TOMM20L: variants seen among roughly 807,000 people sequenced by gnomAD.
TOMM20L encodes the protein translocase of outer mitochondrial membrane 20 like.
TOMM20L carries 19 observed loss-of-function variants against 20.4 expected under a neutral mutation model. That is an observed-to-expected ratio of 0.93 (90% CI 0.65 to 1.36). The LOEUF is 1.36. Ranked by LOEUF, TOMM20L falls within the 40% of genes most tolerant of loss-of-function variation. The pLI is 0.00. For synonymous variants in TOMM20L, 75 were observed against 79.6 expected (o/e 0.94, Z 0.30); for missense variants, 218 against 203.7 (o/e 1.07, Z -0.43).
the TOMM20L span, among the ~76,000 whole-genome samples, chr14:58,416,141 T>C: frequency 6.6e-6 from 1 of 151,718 alleles, no homozygotes; most frequent in Admixed American, 6.6e-5. Context: ...GGCACGAGAA[T>C]TGCTTGAACC....
the TOMM20L span, among the ~76,000 whole-genome samples, chr14:58,416,282 T>TGAAAGCAGCA: frequency 6.6e-6 from 1 of 152,026 alleles, no homozygotes; most frequent in Non-Finnish European, 1.5e-5. Context: ...AAAAAGCCAT[T>TGAAAGCAGCA]GAAAGCAGCA....
chr14:58,396,321 G>T lies in TOMM20L; in HGVS notation c.160G>T (p.Ala54Ser). ...RDKRRAEPQK[A>S]EEQGTQLWDP... is the part of the protein sequence containing the mutation. Reference sequence around the variant, plus strand: ...AGAAAGAAGAGCAGAGCCTCAAAAGGCTGAGGAGCAGGGCACGCAGGTGCA... The same window carrying T: ...AGAAAGAAGAGCAGAGCCTCAAAAGTCTGAGGAGCAGGGCACGCAGGTGCA... The change falls in exon 2 of 5, where the codon GCT (alanine) becomes TCT (serine). Residue 54 changes from alanine (A) to serine (S), a missense_variant. Physicochemically the swap from Ala to Ser is moderately conservative, Grantham distance 99. Coordinates refer to ENST00000360945, the MANE Select transcript of TOMM20L (RefSeq NM_207377.3). 1 of 1,613,412 alleles carries T rather than the reference G, an allele frequency of 6.2e-7. No individual in the cohort carries two copies. The highest frequency in any genetic ancestry group is 8.5e-7 in the Non-Finnish European group (1 of 1,179,858).
intron 2 of TOMM20L, chr14:58,398,831 A>C (rs529250138): frequency 8.3e-4 from 126 of 152,190 alleles, no homozygotes; most frequent in African/African-American, 2.7e-3. Flanking sequence ...TCAAGTGAAG[A>C]AGCAGCACAA....
intron 2 of TOMM20L, among the ~76,000 whole-genome samples, chr14:58,399,898 ATATATATATAT>A: frequency 7.9e-6 from 1 of 126,424 alleles, no homozygotes. Flanking sequence ...ATATATATAT[ATATATATATAT>A]ATATATATAT....
At chr14:58,397,976 G>T (rs1396373941) in intron 2 of TOMM20L, among the ~76,000 whole-genome samples, 1 of 152,118 alleles carries the variant, frequency 6.6e-6, no homozygotes, top group Non-Finnish European at 1.5e-5. Flanking sequence ...TACAGTTCAT[G>T]CCGACTGAGT....
chr14:58,395,992 C>G lies in TOMM20L; in HGVS notation c.35C>G (p.Ala12Gly). 2 of 1,454,820 alleles carry G rather than the reference C, an allele frequency of 1.4e-6. No individual in the cohort carries two copies. 90.1% of individuals were successfully genotyped at this position (1,454,820 alleles called of 1,614,324 possible). The change falls in exon 1 of 5, where the codon GCC (alanine) becomes GGC (glycine). Residue 12 changes from alanine to glycine, a missense_variant. Ala to Gly is a moderately conservative substitution (Grantham distance 60, BLOSUM62 0). Coordinates refer to ENST00000360945, the MANE Select transcript of TOMM20L (RefSeq NM_207377.3). ...GTCCGCTCCCTCCTCCGCCTCTTGGCCGCCGCGGCGGCCTGTGGCGCCTTC... is the reference window on the plus strand; with the variant it reads ...GTCCGCTCCCTCCTCCGCCTCTTGGGCGCCGCGGCGGCCTGTGGCGCCTTC... Reference protein sequence around the residue: ...PSVRSLLRLLAAAAACGAFAF... With the variant: ...PSVRSLLRLLGAAAACGAFAF...
chr14:58,396,783 T>G (rs2035930815), intron 2 of TOMM20L, among the ~76,000 whole-genome samples: 1 of 152,170 alleles, frequency 6.6e-6, no homozygotes, highest in South Asian at 2.1e-4. Context: ...AAAATTTGAT[T>G]AGTCCCTTTT....
At chr14:58,409,368 C>T (rs1031968264), downstream of TOMM20L, among the ~76,000 whole-genome samples, 2 of 152,024 alleles carry the variant, frequency 1.3e-5, no homozygotes, top group Admixed American at 6.6e-5. Context: ...ATATTGAATG[C>T]CTGCCAGTTT....
chr14:58,400,390 C>G lies in TOMM20L; in HGVS notation c.181-2290C>G, dbSNP rs1261287332. Among the ~76,000 whole-genome samples, 5 of 149,278 alleles carry G rather than the reference C, an allele frequency of 3.3e-5. No homozygotes were observed. In the Admixed American group the frequency reaches 3.4e-4, roughly 10 times the overall value. ...TGAGCCAAGATCACACCACTGCACTCCAGCCTGGGCAACAGAGTGAGACTC... is the reference window on the plus strand; with the variant it reads ...TGAGCCAAGATCACACCACTGCACTGCAGCCTGGGCAACAGAGTGAGACTC... On this transcript the variant is annotated intron_variant, in intron 2 of 4. Transcript: ENST00000360945.
chr14:58,407,281 T>C, intron 3 of TOMM20L, 45 bp from the exon 4 acceptor site: 1 of 1,554,472 alleles, frequency 6.4e-7, no homozygotes, highest in South Asian at 1.2e-5. Flanking sequence ...ATGTCTGTTT[T>C]AAAGAACTTC....
the TOMM20L span, among the ~76,000 whole-genome samples, chr14:58,414,729 G>A: frequency 1.3e-5 from 1 of 79,536 alleles, no homozygotes; most frequent in African/African-American, 5.0e-5. Context: ...ATAGTGAGAC[G>A]CCATCTCAAA....
At chr14:58,409,271 A>C, downstream of TOMM20L, 1 of 1,322,644 alleles carries the variant, frequency 7.6e-7, no homozygotes, top group Non-Finnish European at 1.0e-6. Context: ...TTTTCTTTGA[A>C]TATATCTGAG....
At chr14:58,408,950 A>T, downstream of TOMM20L, 3 of 1,534,382 alleles carry the variant, frequency 2.0e-6, no homozygotes, top group Non-Finnish European at 2.6e-6. Flanking sequence ...TACTGCTTTC[A>T]GGGGATTCTA....
intron 3 of TOMM20L, among the ~76,000 whole-genome samples, chr14:58,407,055 T>C (rs2036069688): frequency 6.6e-6 from 1 of 152,166 alleles, no homozygotes; most frequent in African/African-American, 2.4e-5. Flanking sequence ...ATACCCAAAT[T>C]ATAGAACACG....
the TOMM20L span, among the ~76,000 whole-genome samples, chr14:58,414,008 GAAAAAAAAAA>G: frequency 0.062 from 1,499 of 24,182 alleles, 22 homozygotes; most frequent in Non-Finnish European, 0.073. Context: ...TTCCGTCTCA[GAAAAAAAAAA>G]AAAAAAAAAA....
Position 58,401,687 on chromosome 14 carries a change from G to T in TOMM20L, c.181-993G>T, listed in dbSNP as rs72716985. 1.1e-3 allele frequency among the ~76,000 whole-genome samples: 170 copies of T among 152,286 alleles called. 1 individual carries two copies. The highest frequency in any genetic ancestry group is 2.0e-3 in the Non-Finnish European group (134 of 68,026). The stretch of plus-strand genomic sequence containing the variant: ...TGAAACACTGGAGCTGAAGTAACTG[G>T]CAGTGGAGTTGATATTTTGGGCTAG... On this transcript the variant is annotated intron_variant, in intron 2 of 4. Coordinates refer to ENST00000360945, the MANE Select transcript of TOMM20L (RefSeq NM_207377.3).
chr14:58,412,023 GTCTA>G, downstream of TOMM20L: 2 of 1,390,922 alleles, frequency 1.4e-6, no homozygotes, highest in Non-Finnish European at 2.0e-6. Context: ...AATGTTTTTA[GTCTA>G]ACTGAAGAGT....
chr14:58,409,633 C>T (rs1268740159), downstream of TOMM20L, among the ~76,000 whole-genome samples: 1 of 152,116 alleles, frequency 6.6e-6, no homozygotes, highest in East Asian at 1.9e-4. Flanking sequence ...GGCTTGAGTG[C>T]AGTGGCGTGA....
intron 2 of TOMM20L, 132 bp downstream of exon 2, chr14:58,396,473 C>A: frequency 1.1e-6 from 1 of 932,696 alleles, no homozygotes; most frequent in South Asian, 1.5e-5. Flanking sequence ...AGAGGCCTGC[C>A]CTCGCGCGCC....
Sources: allele counts gnomAD v4.1 joint callset (sites outside exome capture counted in the v4.1 genomes callset), GRCh38; gene constraint gnomAD v4.1.1; transcripts MANE v1.5; gene names NCBI Gene and HGNC (gene_info 2026-07-23, HGNC 2026-07-21).